The following DCN variants were observed in gnomAD, a reference collection of about 807,000 sequenced individuals.
DCN encodes the protein bone proteoglycan II.
In DCN, 17 loss-of-function variants were observed where a neutral mutation model predicts 36.5. That is an observed-to-expected ratio of 0.47 (90% CI 0.32 to 0.70). The LOEUF is 0.70. DCN is among the 30% of genes least tolerant of loss of function. The pLI is 0.04. For synonymous variants in DCN, 163 were observed against 161.4 expected (o/e 1.01, Z -0.07); for missense variants, 389 against 430.1 (o/e 0.90, Z 0.84).
rs1374755467 is a variant in DCN at position 91,164,625 on chromosome 12, T to TA, written c.303dup (p.Lys102Ter). On this transcript the variant is annotated frameshift_variant, in exon 3 of 8. Coordinates refer to ENST00000052754, the MANE Select transcript of DCN (RefSeq NM_001920.5). LOFTEE classifies it high-confidence loss of function. ...CTTACGTGAAGGTTCTTCAGGTTCT[T>TA]AAAGTCTCCATCTTTGATTTCGGTT... 6.2e-7 allele frequency: 1 copy of TA among 1,604,116 alleles called. No individual in the cohort carries two copies. Among genetic ancestry groups the TA allele is most frequent in the African/African-American group, 1.3e-5 (1 of 74,808 alleles).
intron 1 of DCN, chr12:91,180,763 C>T (rs1868366563): frequency 6.6e-6 from 1 of 152,150 alleles, no homozygotes; most frequent in Admixed American, 6.6e-5. Flanking sequence ...GGTTTTGTAT[C>T]TGTTTCCCAT....
rs1880807718 is a variant in DCN at position 91,143,200 on chromosome 12, T to C, written c.*2858A>G. On this transcript the variant is annotated 3_prime_UTR_variant, in exon 8 of 8. Transcript: ENST00000052754. ...CAAGGAAAGGTCCTCTCCTAAAGGC[T>C]TTGGAAGGAATCTGACCCTGCTGAC... 1 of 152,156 alleles carries C rather than the reference T, an allele frequency of 6.6e-6. No homozygotes were observed. Among genetic ancestry groups the C allele is most frequent in the Non-Finnish European group, 1.5e-5 (1 of 68,040 alleles). 9.4% of individuals were successfully genotyped at this position (152,156 alleles called of 1,614,324 possible).
chr12:91,175,242 G>C lies in DCN; in HGVS notation c.211+3100C>G, dbSNP rs909791434. 6.6e-5 allele frequency: 10 copies of C among 151,500 alleles called. No homozygotes were observed. In the East Asian group the frequency reaches 1.9e-3, roughly 29 times the overall value. 9.4% of individuals were successfully genotyped at this position (151,500 alleles called of 1,614,324 possible). The stretch of plus-strand genomic sequence containing the variant: ...CAAGATATGGGTCTCATAAAATTGT[G>C]GTTCCAATTACAAGGTAAGTTGCAA... On this transcript the variant is annotated intron_variant, in intron 2 of 7. Coordinates refer to ENST00000052754, the MANE Select transcript of DCN (RefSeq NM_001920.5).
chr12:91,158,643 T>C, intron 3 of DCN, 134 bp from the exon 4 acceptor site: 1 of 677,394 alleles, frequency 1.5e-6, no homozygotes, highest in South Asian at 1.6e-5. Flanking sequence ...CAGAAAAAAA[T>C]TAAGTAAGTA....
At chr12:91,165,823 A>G (rs1326492677) in intron 2 of DCN, among the ~76,000 whole-genome samples, 1 of 152,170 alleles carries the variant, frequency 6.6e-6, no homozygotes, top group Non-Finnish European at 1.5e-5. Flanking sequence ...ACAAGCCTTT[A>G]TTGAATACCT....
intron 7 of DCN, among the ~76,000 whole-genome samples, chr12:91,148,120 C>T (rs920770086): frequency 2.0e-5 from 3 of 150,700 alleles, no homozygotes; most frequent in Non-Finnish European, 2.9e-5. Flanking sequence ...GTTATCCAGG[C>T]TGAAGTGCGG....
At chr12:91,170,681 C>T in intron 2 of DCN, among the ~76,000 whole-genome samples, 1 of 152,106 alleles carries the variant, frequency 6.6e-6, no homozygotes, top group East Asian at 1.9e-4. Flanking sequence ...GTCAGAATGG[C>T]TCGGGTTAAA....
chr12:91,180,831 T>C (rs1868367805), intron 1 of DCN: 2 of 152,156 alleles, frequency 1.3e-5, no homozygotes, highest in Admixed American at 1.3e-4. Flanking sequence ...ATTTAATGTC[T>C]TACAAGTTTA....
chr12:91,158,181 T>C (rs1244305816), intron 4 of DCN, 115 bp downstream of exon 4: 3 of 715,430 alleles, frequency 4.2e-6, no homozygotes. Context: ...ATAAATCACA[T>C]AGGCTCCAGG....
intron 5 of DCN, among the ~76,000 whole-genome samples, chr12:91,156,732 T>G (rs1165304808): frequency 6.6e-6 from 1 of 152,090 alleles, no homozygotes; most frequent in Non-Finnish European, 1.5e-5. Flanking sequence ...GGCATGCTAT[T>G]TTTTAAATAA....
chr12:91,147,516 C>T lies in DCN; in HGVS notation c.886-1264G>A, dbSNP rs377050476. Among the ~76,000 whole-genome samples the T allele has an allele frequency of 4.6e-5, 7 of 152,070 alleles. No homozygotes were observed. In the East Asian group the frequency reaches 1.3e-3, roughly 29 times the overall value. The stretch of plus-strand genomic sequence containing the variant: ...GTTCTGCTTGTTTATGGCTGTATCT[C>T]CAGTACTAGAACAGACCAGGTGTTC... On this transcript the variant is annotated intron_variant, in intron 7 of 7. Coordinates refer to ENST00000052754, the MANE Select transcript of DCN (RefSeq NM_001920.5).
intron 5 of DCN, among the ~76,000 whole-genome samples, chr12:91,154,737 G>T (rs1881650959): frequency 6.6e-6 from 1 of 151,994 alleles, no homozygotes; most frequent in East Asian, 1.9e-4. Context: ...CCTTTTTTAA[G>T]ATAAAATATA....
Position 91,143,372 on chromosome 12 carries a change from A to T in DCN, c.*2686T>A, listed in dbSNP as rs930519383. ...AGGAGACAAAAGACAGACATGGTACAATAGGAAACGAGAGGACTCTCTGCT... is the reference window on the plus strand; with the variant it reads ...AGGAGACAAAAGACAGACATGGTACTATAGGAAACGAGAGGACTCTCTGCT... On this transcript the variant is annotated 3_prime_UTR_variant, in exon 8 of 8. Transcript: ENST00000052754. 20 of 152,212 alleles carry T rather than the reference A, an allele frequency of 1.3e-4. No homozygotes were observed. Among genetic ancestry groups the T allele is most frequent in the African/African-American group, 4.8e-4 (20 of 41,446 alleles). 9.4% of individuals were successfully genotyped at this position (152,212 alleles called of 1,614,324 possible).
At chr12:91,166,380 T>C (rs762359699) in intron 2 of DCN, among the ~76,000 whole-genome samples, 27 of 152,082 alleles carry the variant, frequency 1.8e-4, no homozygotes, top group Non-Finnish European at 4.4e-5. Flanking sequence ...CACTGTACAG[T>C]TGTAATCACT....
intron 2 of DCN, chr12:91,176,637 A>G (rs1344679834): frequency 6.6e-6 from 1 of 152,156 alleles, no homozygotes; most frequent in Non-Finnish European, 1.5e-5. Context: ...AGCAAAGGCA[A>G]ACTATATTTA....
At chr12:91,167,593 C>T (rs1718870762) in intron 2 of DCN, among the ~76,000 whole-genome samples, 1 of 152,048 alleles carries the variant, frequency 6.6e-6, no homozygotes, top group African/African-American at 2.4e-5. Context: ...TAGCAGATGG[C>T]AGGCTCTTCT....
intron 3 of DCN, among the ~76,000 whole-genome samples, chr12:91,159,048 A>T (rs1451710663): frequency 1.3e-5 from 2 of 152,306 alleles, no homozygotes; most frequent in East Asian, 1.9e-4. Flanking sequence ...ATACATAAAC[A>T]TACATGCACT....
intron 6 of DCN, among the ~76,000 whole-genome samples, chr12:91,152,303 A>T (rs1881482678): frequency 6.6e-6 from 1 of 150,574 alleles, no homozygotes; most frequent in Non-Finnish European, 1.5e-5. Flanking sequence ...ACACATGCAT[A>T]TATATATATA....
At chr12:91,168,464 AT>A (rs1232511336) in intron 2 of DCN, among the ~76,000 whole-genome samples, 1 of 151,910 alleles carries the variant, frequency 6.6e-6, no homozygotes, top group South Asian at 2.1e-4. Flanking sequence ...TAGTTTATTT[AT>A]TTTTTTCCTG....
Sources: allele counts gnomAD v4.1 joint callset (sites outside exome capture counted in the v4.1 genomes callset), GRCh38; gene constraint gnomAD v4.1.1; transcripts MANE v1.5; gene names NCBI Gene and HGNC (gene_info 2026-07-23, HGNC 2026-07-21).